RBM34: variants seen among roughly 807,000 people sequenced by gnomAD.
RBM34 encodes the protein RNA binding motif protein 34.
Under a neutral mutation model 44.6 loss-of-function variants are expected in RBM34, and 39 were observed. That is an observed-to-expected ratio of 0.87 (90% CI 0.68 to 1.14). RBM34 has a LOEUF of 1.14. Among genes scored for constraint, RBM34 ranks in the 50% most tolerant of loss-of-function variants. The probability of loss-of-function intolerance (pLI) is 0.00; values close to 1 mark genes in which losing one functional copy is unlikely to be tolerated. For missense variants in RBM34, 572 were observed against 517.9 expected (o/e 1.10, Z -1.01); for synonymous variants, 194 against 184.0 (o/e 1.05, Z -0.44).
intron 4 of RBM34, among the ~76,000 whole-genome samples, chr1:235,154,208 T>C (rs1007006644): frequency 7.4e-5 from 11 of 148,912 alleles, no homozygotes; most frequent in African/African-American, 1.2e-4. Flanking sequence ...ATCGCGCCAC[T>C]GCACTCCAGC....
chr1:235,137,464 T>C (rs1328468941), intron 8 of RBM34, among the ~76,000 whole-genome samples: 2 of 151,992 alleles, frequency 1.3e-5, no homozygotes, highest in African/African-American at 4.8e-5. Context: ...AGCCTCAAAC[T>C]CCTGGGCTCA....
At chr1:235,161,111 C>A (rs1662701752) in intron 1 of RBM34, 44 bp from the exon 2 acceptor site, 1 of 1,606,374 alleles carries the variant, frequency 6.2e-7, no homozygotes, top group Non-Finnish European at 8.5e-7. Context: ...CGCACCACCG[C>A]TTCGCCAGCA....
chr1:235,148,812 A>C (rs1350167948), intron 5 of RBM34, among the ~76,000 whole-genome samples: 3 of 151,956 alleles, frequency 2.0e-5, no homozygotes, highest in South Asian at 4.2e-4. Context: ...GTTAGCCAGG[A>C]TGGTCTCGAT....
Position 235,137,932 on chromosome 1 carries a change from G to T in RBM34, c.794C>A (p.Ala265Asp). ...AATACGAAATCCATCTGCAATCTGGGCCCCATTTCTGTATTATAAATACAA... is the reference window on the plus strand; with the variant it reads ...AATACGAAATCCATCTGCAATCTGGTCCCCATTTCTGTATTATAAATACAA... ...AATQALKRNG[A>D]QIADGFRIRV... Residue 265 changes from alanine (A) to aspartate (D), a missense_variant, in exon 8 of 11, where the codon GCC (alanine) becomes GAC (aspartate). Physicochemically the swap from Ala to Asp is moderately radical, Grantham distance 126. Transcript: ENST00000408888. 6.2e-7 allele frequency: 1 copy of T among 1,603,326 alleles called. No individual in the cohort carries two copies. The highest frequency in any genetic ancestry group is 8.5e-7 in the Non-Finnish European group (1 of 1,172,008).
At chr1:235,150,891 G>T (rs1460573905) in intron 5 of RBM34, among the ~76,000 whole-genome samples, 1 of 152,184 alleles carries the variant, frequency 6.6e-6, no homozygotes, top group Non-Finnish European at 1.5e-5. Context: ...GCTCCCCAAA[G>T]GGGAGAAGGC....
intron 2 of RBM34, 74 bp downstream of exon 2, chr1:235,160,819 G>A (rs1195699510): frequency 6.4e-7 from 1 of 1,561,874 alleles, no homozygotes; most frequent in Non-Finnish European, 8.7e-7. Flanking sequence ...CACGCTTCAC[G>A]CGGTAGGTAA....
intron 6 of RBM34, 82 bp downstream of exon 6, chr1:235,148,322 C>T (rs1661997221): frequency 9.9e-7 from 1 of 1,010,944 alleles, no homozygotes; most frequent in Non-Finnish European, 1.5e-6. Context: ...AAAATCTATG[C>T]AATTGTTAAG....
intron 6 of RBM34, among the ~76,000 whole-genome samples, chr1:235,146,106 T>G (rs1007972223): frequency 1.3e-5 from 2 of 150,866 alleles, no homozygotes; most frequent in African/African-American, 4.9e-5. Flanking sequence ...GGGACTACAG[T>G]GCACAGCATC....
chr1:235,151,049 T>C (rs1346650954), intron 5 of RBM34, among the ~76,000 whole-genome samples: 4 of 152,152 alleles, frequency 2.6e-5, no homozygotes, highest in African/African-American at 7.2e-5. Context: ...TTGGACAAAT[T>C]AGAGGAAGAC....
chr1:235,157,925 G>A (rs1662520403), intron 3 of RBM34, among the ~76,000 whole-genome samples: 1 of 152,164 alleles, frequency 6.6e-6, no homozygotes, highest in Admixed American at 6.5e-5. Flanking sequence ...GAATCCAAGT[G>A]CGTGGAAGGG....
intron 6 of RBM34, among the ~76,000 whole-genome samples, chr1:235,144,320 A>C (rs1314780278): frequency 6.6e-6 from 1 of 152,130 alleles, no homozygotes; most frequent in Non-Finnish European, 1.5e-5. Flanking sequence ...AAAGCAAATG[A>C]ATGGCTGCCT....
At chr1:235,147,537 C>T (rs1290124475) in intron 6 of RBM34, among the ~76,000 whole-genome samples, 2 of 152,156 alleles carry the variant, frequency 1.3e-5, no homozygotes, top group East Asian at 1.9e-4. Flanking sequence ...CCTCAGCAAA[C>T]ACTGTGGGAA....
At chr1:235,136,988 CT>C (rs539345573) in intron 8 of RBM34, among the ~76,000 whole-genome samples, 1 of 152,148 alleles carries the variant, frequency 6.6e-6, no homozygotes, top group African/African-American at 2.4e-5. Flanking sequence ...TCTCTTCTTT[CT>C]TTTTTCCCCC....
At chr1:235,155,505 CTTTTT>C (rs745638640) in intron 3 of RBM34, among the ~76,000 whole-genome samples, 1 of 123,902 alleles carries the variant, frequency 8.1e-6, no homozygotes, top group Non-Finnish European at 1.7e-5. Flanking sequence ...CCACACGTGG[CTTTTT>C]TTTTTTTTTT....
rs113379644 is a variant in RBM34 at position 235,155,500 on chromosome 1, C to T, written c.366-388G>A. ...GGGACCACAGGCGCATGCCCCCACACGTGGCTTTTTTTTTTTTTTTTTGAG... is the reference window on the plus strand; with the variant it reads ...GGGACCACAGGCGCATGCCCCCACATGTGGCTTTTTTTTTTTTTTTTTGAG... On this transcript the variant is annotated intron_variant, in intron 3 of 10. Transcript: ENST00000408888. Among the ~76,000 whole-genome samples, 158 of 139,486 alleles carry T rather than the reference C, an allele frequency of 1.1e-3. 1 individual carries two copies. Among genetic ancestry groups the T allele is most frequent in the Admixed American group, 8.5e-3 (119 of 14,024 alleles). The allele number at this position is 139,486 out of a possible 152,430, so 91.5% of individuals were successfully genotyped here. A position where few individuals can be genotyped will look rare whatever the true frequency, so the allele number is the denominator to read the frequency against.
chr1:235,155,864 T>TATATATATATAC (rs1553275378), intron 3 of RBM34, among the ~76,000 whole-genome samples: 10 of 81,118 alleles, frequency 1.2e-4, no homozygotes, highest in African/African-American at 2.0e-4. Flanking sequence ...TATATATATA[T>TATATATATATAC]ATACATATAT....
At position 235,135,042 on chromosome 1, in the gene RBM34, C is replaced by T. The variant is rs543708902; in HGVS notation, c.1008+610G>A. 3.3e-5 allele frequency among the ~76,000 whole-genome samples: 5 copies of T among 151,210 alleles called. No individual in the cohort carries two copies. The East Asian group carries it at 9.8e-4, about 30-fold the overall frequency. ...TACAGGCATAAGCCACCACATCTGG[C>T]CGGTTTGTTTTTTTTTTTTTGAAAC... On this transcript the variant is annotated intron_variant, in intron 10 of 10. Coordinates refer to ENST00000408888, the MANE Select transcript of RBM34 (RefSeq NM_015014.4).
At chr1:235,142,288 T>C (rs1403797969) in intron 6 of RBM34, among the ~76,000 whole-genome samples, 2 of 151,892 alleles carry the variant, frequency 1.3e-5, no homozygotes, top group Non-Finnish European at 2.9e-5. Flanking sequence ...TAGCACTTTT[T>C]TTATTTTGAG....
At chr1:235,154,019 G>T (rs1662285795) in intron 4 of RBM34, among the ~76,000 whole-genome samples, 1 of 152,134 alleles carries the variant, frequency 6.6e-6, no homozygotes, top group Non-Finnish European at 1.5e-5. Context: ...GGCCGAGGCG[G>T]ACGGATCACA....
Sources: allele counts gnomAD v4.1 joint callset (sites outside exome capture counted in the v4.1 genomes callset), GRCh38; gene constraint gnomAD v4.1.1; transcripts MANE v1.5; gene names NCBI Gene and HGNC (gene_info 2026-07-23, HGNC 2026-07-21).